The following AP2A2 variants were observed in gnomAD, a reference collection of about 807,000 sequenced individuals.
AP2A2 encodes adaptor related protein complex 2 subunit alpha 2, also known as AP-2 complex subunit alpha-2.
AP2A2 carries 32 observed loss-of-function variants against 104.2 expected under a neutral mutation model. The observed-to-expected ratio is 0.31, with a 90% confidence interval of 0.23 to 0.41. The LOEUF (loss-of-function observed/expected upper bound fraction) is 0.41. Among genes scored for constraint, AP2A2 ranks in the 10% least tolerant of loss-of-function variants. The pLI is 1.00. For synonymous variants in AP2A2, 539 were observed against 533.3 expected (o/e 1.01, Z -0.15); for missense variants, 912 against 1,261.0 (o/e 0.72, Z 4.19).
intron 2 of AP2A2, among the ~76,000 whole-genome samples, chr11:967,357 T>A (rs1854652981): frequency 1.3e-5 from 2 of 152,162 alleles, no homozygotes; most frequent in Admixed American, 6.5e-5. Context: ...TCGTTTTATT[T>A]TTTTATTTTA....
chr11:930,943 G>T (rs1024999932), intron 1 of AP2A2, among the ~76,000 whole-genome samples: 2 of 152,220 alleles, frequency 1.3e-5, no homozygotes, highest in Non-Finnish European at 2.9e-5. Context: ...ACGTGTGTGT[G>T]TGTGGTTCTA....
Position 992,607 on chromosome 11 carries a change from A to C in AP2A2, c.1374A>C (p.Glu458Asp). 3 of 1,613,968 alleles carry C rather than the reference A, an allele frequency of 1.9e-6. No homozygotes were observed. Among genetic ancestry groups the C allele is most frequent in the Non-Finnish European group, 2.5e-6 (3 of 1,179,894 alleles). The change falls in exon 11 of 22, where the codon GAA (glutamate) becomes GAC (aspartate). Residue 458 changes from glutamate (E) to aspartate (D), a missense_variant. Around this residue, in one of 7 missense-constraint regions of AP2A2, gnomAD observed 21 missense variants for 62.0 expected, o/e 0.34. Coordinates refer to ENST00000448903, the MANE Select transcript of AP2A2 (RefSeq NM_012305.4). The surrounding 1 kb of genome is among the most constrained non-coding windows in gnomAD (Gnocchi z 6.4). ...LIRIAGDYVS[E>D]EVWYRVIQIV... The stretch of plus-strand genomic sequence containing the variant: ...GAATTGCTGGTGATTACGTGAGTGA[A>C]GAGGTGTGGTACCGAGTCATTCAGA...
At chr11:926,732 C>T (rs930118964) in intron 1 of AP2A2, among the ~76,000 whole-genome samples, 1 of 152,242 alleles carries the variant, frequency 6.6e-6, no homozygotes, top group African/African-American at 2.4e-5. Context: ...CGGAGGGAAT[C>T]TGGACACGAG....
intron 15 of AP2A2, among the ~76,000 whole-genome samples, chr11:1,003,106 C>T (rs966478565): frequency 7.2e-5 from 11 of 152,372 alleles, no homozygotes; most frequent in Middle Eastern, 3.4e-3. Context: ...AGCTAACCAA[C>T]GCTATTTTAT....
At chr11:977,068 G>A (rs201561885) in intron 4 of AP2A2, 27 bp from the exon 5 acceptor site, 11 of 1,612,906 alleles carry the variant, frequency 6.8e-6, no homozygotes, top group South Asian at 1.1e-5. Flanking sequence ...AGCCTGTTGC[G>A]AGTGACTCTT....
intron 14 of AP2A2, 25 bp downstream of exon 14, chr11:994,270 C>T (rs762023527): frequency 9.9e-6 from 16 of 1,609,968 alleles, no homozygotes; most frequent in Non-Finnish European, 1.4e-5. Context: ...TACTGTGCAC[C>T]CAGACCTGTC....
At chr11:954,020 A>T (rs1271238821) in intron 1 of AP2A2, among the ~76,000 whole-genome samples, 1 of 151,944 alleles carries the variant, frequency 6.6e-6, no homozygotes, top group African/African-American at 2.4e-5. Context: ...TTTTTAGTAG[A>T]GACGAGGTTT....
At chr11:972,646 G>A (rs1263154793) in intron 4 of AP2A2, among the ~76,000 whole-genome samples, 3 of 152,234 alleles carry the variant, frequency 2.0e-5, no homozygotes, top group Admixed American at 6.5e-5. Flanking sequence ...GCAGTGAGCC[G>A]TGTTCATGCC....
chr11:984,380 CTG>C (rs1419788747), intron 6 of AP2A2, among the ~76,000 whole-genome samples: 1 of 152,186 alleles, frequency 6.6e-6, no homozygotes, highest in Admixed American at 6.5e-5. Flanking sequence ...AAAGGAAAGA[CTG>C]TAGTTTCAAA....
At chr11:960,483 C>T (rs929910603) in intron 2 of AP2A2, among the ~76,000 whole-genome samples, 1 of 152,194 alleles carries the variant, frequency 6.6e-6, no homozygotes, top group Non-Finnish European at 1.5e-5. Context: ...AGTGATCTGC[C>T]CGCCTCGGCC....
Position 970,297 on chromosome 11 carries a change from A to G in AP2A2, c.265A>G (p.Thr89Ala), listed in dbSNP as rs1355513029. The G allele has an allele frequency of 6.2e-7, 1 of 1,613,602 alleles. No homozygotes were observed. Among genetic ancestry groups the G allele is most frequent in the Non-Finnish European group, 8.5e-7 (1 of 1,179,690 alleles). ...GAACCTGCTGAGTTCAAACAGATAC[A>G]CGGAAAAGCAGATCGTGAGTATCGC... ...AVNLLSSNRY[T>A]EKQIGYLFIS... The change falls in exon 3 of 22, where the codon ACG becomes GCG. Residue 89 changes from threonine (T) to alanine (A), a missense_variant. Thr to Ala is a moderately conservative substitution (Grantham distance 58). Transcript: ENST00000448903.
At chr11:988,931 G>A in intron 10 of AP2A2, 1 of 546,160 alleles carries the variant, frequency 1.8e-6, no homozygotes, top group Non-Finnish European at 3.3e-6. Flanking sequence ...GGAGGTTGAG[G>A]CTGCAGTGAG....
intron 1 of AP2A2, among the ~76,000 whole-genome samples, chr11:927,510 TA>T (rs10665614): frequency 0.089 from 11,724 of 131,648 alleles, 595 homozygotes; most frequent in East Asian, 0.29. Context: ...TGTACTCTGT[TA>T]AAAAAAAAAA....
chr11:935,274 G>T (rs529384054), intron 1 of AP2A2, among the ~76,000 whole-genome samples: 104 of 152,208 alleles, frequency 6.8e-4, no homozygotes, highest in African/African-American at 2.3e-3. Context: ...GACCAGAATG[G>T]TCTTGATCTC....
At chr11:1,000,055 C>G (rs1285694848) in intron 14 of AP2A2, among the ~76,000 whole-genome samples, 1 of 152,244 alleles carries the variant, frequency 6.6e-6, no homozygotes, top group East Asian at 1.9e-4. Context: ...ATCCGCCCAC[C>G]TCGGCCTCCC....
chr11:947,963 A>C (rs1466702045), intron 1 of AP2A2, among the ~76,000 whole-genome samples: 3 of 152,174 alleles, frequency 2.0e-5, no homozygotes, highest in African/African-American at 7.2e-5. Context: ...CTCTTAAAAA[A>C]ACTTGGAGAT....
chr11:932,847 A>C (rs1190216636), intron 1 of AP2A2: 1 of 421,434 alleles, frequency 2.4e-6, no homozygotes, highest in Non-Finnish European at 4.6e-6. Context: ...CCAGATACTT[A>C]CTATTACTTC....
At chr11:975,844 C>T (rs1469225914) in intron 4 of AP2A2, among the ~76,000 whole-genome samples, 3 of 152,184 alleles carry the variant, frequency 2.0e-5, no homozygotes, top group Non-Finnish European at 2.9e-5. Context: ...CGGTCTCCCT[C>T]GTGTGAGCTG....
intron 5 of AP2A2, among the ~76,000 whole-genome samples, chr11:978,995 A>G (rs970686534): frequency 2.0e-5 from 3 of 151,574 alleles, no homozygotes; most frequent in African/African-American, 7.3e-5. Context: ...GACAGGTTGG[A>G]GTGGACAAGG....
Sources: allele counts gnomAD v4.1 joint callset (sites outside exome capture counted in the v4.1 genomes callset), GRCh38; gene constraint gnomAD v4.1.1; regional missense constraint gnomAD v4.1.1; non-coding constraint Gnocchi (gnomAD v3.1); transcripts MANE v1.5; gene names NCBI Gene and HGNC (gene_info 2026-07-23, HGNC 2026-07-21).